LHFPL5: variants seen among roughly 807,000 people sequenced by gnomAD.
LHFPL5 encodes the protein LHFPL tetraspan subfamily member 5 protein.
In LHFPL5, 12 loss-of-function variants were observed where a neutral mutation model predicts 18.7. The observed-to-expected ratio is 0.64, with a 90% CI of 0.41 to 1.04. The LOEUF (loss-of-function observed/expected upper bound fraction) is 1.04, where lower values mean the gene tolerates loss of function less well. Ranked by LOEUF, LHFPL5 falls within the 50% of genes least tolerant of loss-of-function variation. LHFPL5 has a pLI of 0.00. For synonymous variants in LHFPL5, 111 were observed against 120.2 expected, an observed-to-expected ratio of 0.92 and a Z score of 0.50; for missense variants, 259 against 292.1, an observed-to-expected ratio of 0.89 and a Z score of 0.83.
intron 1 of LHFPL5, chr6:35,811,436 G>T (rs758269388): frequency 5.9e-5 from 9 of 152,316 alleles, no homozygotes; most frequent in Non-Finnish European, 1.0e-4. Flanking sequence ...GTCAGAGAGG[G>T]TAAGTAACCT....
chr6:35,819,610 T>G (rs1252139835), intron 3 of LHFPL5, 147 bp downstream of exon 3: 1 of 762,950 alleles, frequency 1.3e-6, no homozygotes, highest in Non-Finnish European at 2.3e-6. Flanking sequence ...AACACCCCAC[T>G]GGGGCAGGAG....
rs998222359 is a variant in LHFPL5 at position 35,805,371 on chromosome 6, G to A, written c.-300G>A. On this transcript the variant is annotated 5_prime_UTR_variant, in exon 1 of 4. Coordinates refer to ENST00000360215, the MANE Select transcript of LHFPL5 (RefSeq NM_182548.4). The surrounding 1 kb of genome is among the most constrained non-coding windows in gnomAD (Gnocchi z 4.3). ...GGGGCTCTCGGGAGCCGTGAGCCGG[G>A]AAGAGGGAGACGGGCAGGGCGGCGC... 8 of 390,966 alleles carry A rather than the reference G, an allele frequency of 2.0e-5. No homozygotes were observed. The highest frequency in any genetic ancestry group is 1.0e-4 in the East Asian group (2 of 19,708). The allele number at this position is 390,966 out of a possible 1,614,324, so 24.2% of individuals were successfully genotyped here.
Position 35,814,852 on chromosome 6 carries a change from GC to G in LHFPL5, c.649+72del. On this transcript the variant is annotated intron_variant, in intron 2 of 3. Transcript: ENST00000360215. The surrounding 1 kb of genome is among the most constrained non-coding windows in gnomAD (Gnocchi z 4.2). ...GGGATGTGGGTGGGGGTTCATCTTA[GC>G]CAGTCCTCTAAGGCTTGGTCCCTGG... 1 of 1,386,264 alleles carries G rather than the reference GC, an allele frequency of 7.2e-7. No individual in the cohort carries two copies. The highest frequency in any genetic ancestry group is 1.0e-6 in the Non-Finnish European group (1 of 973,220). The allele number at this position is 1,386,264 out of a possible 1,614,324, so 85.9% of individuals were successfully genotyped here. A position where few individuals can be genotyped will look rare whatever the true frequency, so the allele number is the denominator to read the frequency against.
At chr6:35,819,924 C>G (rs375791654) in intron 3 of LHFPL5, 224 of 199,104 alleles carry the variant, frequency 1.1e-3, no homozygotes, top group Non-Finnish European at 1.7e-3. Flanking sequence ...GGTGATCTGC[C>G]TGCCCCTGCC....
rs531675774 is a variant in LHFPL5 at position 35,810,970 on chromosome 6, G to A, written c.413-3576G>A. ...TTTATGTATTTCTTGCTTATGGTCC[G>A]TGCCAACCGGGGATCGGTGGGGGCT... On this transcript the variant is annotated intron_variant, in intron 1 of 3. Coordinates refer to ENST00000360215, the MANE Select transcript of LHFPL5 (RefSeq NM_182548.4). 9.9e-5 allele frequency among the ~76,000 whole-genome samples: 15 copies of A among 152,192 alleles called. No individual in the cohort carries two copies. In the East Asian group the frequency reaches 1.5e-3, roughly 16 times the overall value.
rs146636554 is a variant in LHFPL5 at position 35,819,824 on chromosome 6, C to T, written c.*16+361C>T. On this transcript the variant is annotated intron_variant, in intron 3 of 3. Transcript: ENST00000360215. ...TCCCGAGTAGCTGGGATTACAGGTG[C>T]GTGCCACCATGCCTGGCTAATTTTT... The T allele has an allele frequency of 4.3e-3, 1,304 of 305,888 alleles. 6 individuals carry two copies. Among genetic ancestry groups the T allele is most frequent in the Middle Eastern group, 6.9e-3 (6 of 864 alleles). 18.9% of individuals were successfully genotyped at this position (305,888 alleles called of 1,614,324 possible).
At chr6:35,812,174 A>C (rs957376414) in intron 1 of LHFPL5, among the ~76,000 whole-genome samples, 1 of 152,252 alleles carries the variant, frequency 6.6e-6, no homozygotes, top group Non-Finnish European at 1.5e-5. Flanking sequence ...CTCCTAAAAA[A>C]GATCAAAGGA....
chr6:35,813,307 G>A (rs1246942424), intron 1 of LHFPL5, among the ~76,000 whole-genome samples: 5 of 138,888 alleles, frequency 3.6e-5, no homozygotes, highest in Admixed American at 7.9e-5. Context: ...GTGCAGGGGC[G>A]CCATCTCGGC....
At position 35,819,131 on chromosome 6, in the gene LHFPL5, C is replaced by A. The variant is rs138164589; in HGVS notation, c.650-306C>A. ...TATGGGTGTGAGCCACTGCATCGGGCCATATTCATTTTTTATATCACCCAT... is the reference window on the plus strand; with the variant it reads ...TATGGGTGTGAGCCACTGCATCGGGACATATTCATTTTTTATATCACCCAT... On this transcript the variant is annotated intron_variant, in intron 2 of 3. Coordinates refer to ENST00000360215, the MANE Select transcript of LHFPL5 (RefSeq NM_182548.4). Among the ~76,000 whole-genome samples the A allele has an allele frequency of 2.0e-5, 3 of 152,294 alleles. No individual in the cohort carries two copies. The East Asian group carries it at 5.8e-4, about 29-fold the overall frequency.
At chr6:35,820,758 AAAAG>A (rs1456544689) in intron 3 of LHFPL5, among the ~76,000 whole-genome samples, 7 of 151,920 alleles carry the variant, frequency 4.6e-5, no homozygotes, top group African/African-American at 1.7e-4. Flanking sequence ...ATAAAAAAGA[AAAAG>A]AAACCCTCAC....
chr6:35,813,527 G>A (rs1467256586), intron 1 of LHFPL5, among the ~76,000 whole-genome samples: 3 of 152,018 alleles, frequency 2.0e-5, no homozygotes, highest in South Asian at 2.1e-4. Context: ...ACAGGCGTGA[G>A]CCACCGCACC....
chr6:35,820,899 A>C (rs755872474), intron 3 of LHFPL5, among the ~76,000 whole-genome samples: 6 of 152,152 alleles, frequency 3.9e-5, no homozygotes, highest in African/African-American at 7.2e-5. Flanking sequence ...ATCCTTGACC[A>C]CATATACTTT....
Position 35,817,923 on chromosome 6 carries a change from T to C in LHFPL5, c.650-1514T>C, listed in dbSNP as rs564775525. On this transcript the variant is annotated intron_variant, in intron 2 of 3. Coordinates refer to ENST00000360215, the MANE Select transcript of LHFPL5 (RefSeq NM_182548.4). ...TACACAAATGTTCATGGCAGCATAA[T>C]AGCCAAAAAATGGAATACAATTCAG... 4.4e-4 allele frequency among the ~76,000 whole-genome samples: 67 copies of C among 152,286 alleles called. 1 individual carries two copies. In the South Asian group the frequency reaches 0.014, roughly 32 times the overall value.
chr6:35,822,665 G>A (rs1432226959), intron 3 of LHFPL5, among the ~76,000 whole-genome samples: 1 of 151,972 alleles, frequency 6.6e-6, no homozygotes, highest in Non-Finnish European at 1.5e-5. Context: ...GTGCCACCAC[G>A]CCTGGCTAAT....
At chr6:35,818,402 A>G (rs1276590004) in intron 2 of LHFPL5, among the ~76,000 whole-genome samples, 1 of 131,198 alleles carries the variant, frequency 7.6e-6, no homozygotes, top group Non-Finnish European at 1.5e-5. Context: ...TCTGTCACCC[A>G]GGCTGGAGTG....
In LHFPL5 at chr6:35,823,237, G is replaced by T; in HGVS notation, c.*272G>T. The T allele has an allele frequency of 6.6e-6, 1 of 152,112 alleles. No homozygotes were observed. The highest frequency in any genetic ancestry group is 1.5e-5 in the Non-Finnish European group (1 of 68,034). 9.4% of individuals were successfully genotyped at this position (152,112 alleles called of 1,614,324 possible). On this transcript the variant is annotated 3_prime_UTR_variant, in exon 4 of 4. Coordinates refer to ENST00000360215, the MANE Select transcript of LHFPL5 (RefSeq NM_182548.4). ...GGGAGTGCTCAGTTGCTGGGGATGG[G>T]ATCCAAGTCCATTTCTTAGTTCCAC...
rs763639486 is a variant in LHFPL5, at chr6:35,821,857, ATTTTTTTTTTTTTTTTT to A, written c.*17-1107_*17-1091del. Among the ~76,000 whole-genome samples, 277 of 39,196 alleles carry A rather than the reference ATTTTTTTTTTTTTTTTT, an allele frequency of 7.1e-3. 4 individuals are homozygous for A. The highest frequency in any genetic ancestry group is 0.028 in the East Asian group (30 of 1,082). The allele number at this position is 39,196 out of a possible 152,430, so 25.7% of individuals were successfully genotyped here. On this transcript the variant is annotated intron_variant, in intron 3 of 3. Transcript: ENST00000360215. ...AACTCCACAGCACTGGTGTACCACA[ATTTTTTTTTTTTTTTTT>A]TTTTTTTTTTTTTTTTTGAGACAGG... is the stretch of plus-strand genomic sequence containing the variant.
chr6:35,805,889 G>GTC lies in LHFPL5; in HGVS notation c.220_221dup (p.Ser75ProfsTer11). On this transcript the variant is annotated frameshift_variant, in exon 1 of 4. Coordinates refer to ENST00000360215, the MANE Select transcript of LHFPL5 (RefSeq NM_182548.4). LOFTEE classifies it high-confidence loss of function. This position sits in a 1 kb window ranked among gnomAD's most constrained non-coding sequence, Gnocchi z 4.3. ...TCTCCTACTGCGTGGGTAACGTGCT[G>GTC]TCCTCCGAGCTCATCTGCAAGGGCG... is the stretch of plus-strand genomic sequence containing the variant. 6.2e-7 allele frequency: 1 copy of GTC among 1,614,214 alleles called. No homozygotes were observed. The highest frequency in any genetic ancestry group is 1.1e-5 in the South Asian group (1 of 91,092).
chr6:35,815,909 T>C (rs552410005), intron 2 of LHFPL5, among the ~76,000 whole-genome samples: 63 of 152,266 alleles, frequency 4.1e-4, no homozygotes, highest in Admixed American at 6.5e-4. Context: ...CGGTGGCTCA[T>C]GCCTATAATC....
Sources: gnomAD v4.1 joint callset for allele counts (sites outside exome capture counted in the v4.1 genomes callset) on GRCh38, gnomAD v4.1.1 for gene constraint, Gnocchi (gnomAD v3.1) non-coding constraint, MANE v1.5 for transcripts, NCBI Gene and HGNC (gene_info 2026-07-23, HGNC 2026-07-21) for gene names.